NOX3: variants seen among roughly 807,000 people sequenced by gnomAD.
NOX3 encodes the protein NADPH oxidase catalytic subunit-like 3.
A neutral mutation model predicts 76.7 loss-of-function variants in NOX3; 74 were observed. The observed-to-expected ratio is 0.96, with a 90% CI of 0.80 to 1.17. NOX3 has a LOEUF of 1.17. NOX3 is among the 50% of genes most tolerant of loss of function. The pLI, the probability that NOX3 is intolerant of heterozygous loss-of-function variation, is 0.00. For synonymous variants in NOX3, 263 were observed against 261.1 expected (o/e 1.01, Z -0.07); for missense variants, 695 against 703.3 (o/e 0.99, Z 0.13).
intron 5 of NOX3, among the ~76,000 whole-genome samples, chr6:155,442,271 AT>A (rs767658479): frequency 2.6e-5 from 4 of 152,188 alleles, no homozygotes; most frequent in African/African-American, 4.8e-5. Flanking sequence ...CTCAAAAAAA[AT>A]AAATAAATAA....
In NOX3 at chr6:155,435,890, A is replaced by G. The variant is rs542580313; in HGVS notation, c.798+528T>C. Among the ~76,000 whole-genome samples the G allele has an allele frequency of 2.6e-5, 4 of 152,358 alleles. No homozygotes were observed. In the South Asian group the frequency reaches 6.2e-4, roughly 24 times the overall value. ...AAGTATCTTCTTGGCTAACATCATC[A>G]TTATTTCAGTTACAGGAGCTTAATT... is the stretch of plus-strand genomic sequence containing the variant. On this transcript the variant is annotated intron_variant, in intron 7 of 13. Transcript: ENST00000159060.
At chr6:155,446,389 A>G (rs1183474471) in intron 4 of NOX3, among the ~76,000 whole-genome samples, 4 of 152,166 alleles carry the variant, frequency 2.6e-5, no homozygotes, top group African/African-American at 9.7e-5. Context: ...AAAAGCAGGT[A>G]GTACGTCTCA....
At chr6:155,437,705 G>A (rs535561631) in intron 6 of NOX3, among the ~76,000 whole-genome samples, 7 of 152,314 alleles carry the variant, frequency 4.6e-5, no homozygotes, top group Admixed American at 1.3e-4. Flanking sequence ...CAGGCTGTAG[G>A]CAGCATTCCC....
Position 155,455,742 on chromosome 6 carries a change from A to G in NOX3, c.48+11T>C, listed in dbSNP as rs1371993844. 8.1e-6 allele frequency: 13 copies of G among 1,605,566 alleles called. No homozygotes were observed. Among genetic ancestry groups the G allele is most frequent in the Admixed American group, 5.0e-5 (3 of 59,972 alleles). ...ATATATTTAAAGTTGAATAACAAAA[A>G]TGATACTTACTACTAATATGGTGGA... On this transcript the variant is annotated intron_variant, in intron 1 of 13. Coordinates refer to ENST00000159060, the MANE Select transcript of NOX3 (RefSeq NM_015718.3).
intron 6 of NOX3, among the ~76,000 whole-genome samples, chr6:155,438,171 C>CA (rs1376692735): frequency 6.6e-6 from 1 of 152,118 alleles, no homozygotes; most frequent in Non-Finnish European, 1.5e-5. Flanking sequence ...TAGATAGCCT[C>CA]ATAAATGTGC....
chr6:155,421,775 A>G (rs958857663), intron 10 of NOX3, among the ~76,000 whole-genome samples: 6 of 152,184 alleles, frequency 3.9e-5, no homozygotes, highest in African/African-American at 1.4e-4. Context: ...GGTTACAGGC[A>G]TGAGCTACTG....
chr6:155,410,318 TGC>T (rs999615756), intron 11 of NOX3, among the ~76,000 whole-genome samples: 11 of 151,516 alleles, frequency 7.3e-5, no homozygotes, highest in African/African-American at 2.4e-4. Context: ...TGTGTGTGTG[TGC>T]GCACGCATGT....
chr6:155,416,291 A>G (rs17086271), intron 10 of NOX3, among the ~76,000 whole-genome samples: 6,250 of 152,278 alleles, frequency 0.041, 330 homozygotes, highest in African/African-American at 0.12. Context: ...AATCAGGATC[A>G]TTTTCCAAAA....
intron 11 of NOX3, among the ~76,000 whole-genome samples, chr6:155,409,254 G>A (rs1179927713): frequency 6.6e-6 from 1 of 152,182 alleles, no homozygotes; most frequent in Non-Finnish European, 1.5e-5. Flanking sequence ...CACGCCAGGT[G>A]TGGGGAGAGA....
At chr6:155,402,217 G>A (rs1038007256) in intron 12 of NOX3, among the ~76,000 whole-genome samples, 12 of 152,106 alleles carry the variant, frequency 7.9e-5, no homozygotes, top group Non-Finnish European at 1.6e-4. Context: ...GACATAGATG[G>A]CAATGAATGT....
chr6:155,427,712 C>G (rs1776775290), intron 9 of NOX3, among the ~76,000 whole-genome samples: 1 of 152,136 alleles, frequency 6.6e-6, no homozygotes, highest in African/African-American at 2.4e-5. Context: ...AAATGTTTTT[C>G]TCATTTTTTT....
intron 4 of NOX3, among the ~76,000 whole-genome samples, chr6:155,453,063 G>A (rs538573491): frequency 9.9e-5 from 15 of 152,130 alleles, no homozygotes; most frequent in Admixed American, 5.2e-4. Context: ...ATGAGATTTT[G>A]AACAGAGGTC....
chr6:155,421,550 G>T (rs1316877799), intron 10 of NOX3, among the ~76,000 whole-genome samples: 3 of 152,174 alleles, frequency 2.0e-5, no homozygotes, highest in Non-Finnish European at 4.4e-5. Context: ...AAACAAAACT[G>T]AATGAGGATC....
intron 7 of NOX3, among the ~76,000 whole-genome samples, 190 bp from the exon 8 acceptor site, chr6:155,431,125 A>G (rs1776827075): frequency 6.6e-6 from 1 of 152,230 alleles, no homozygotes; most frequent in South Asian, 2.1e-4. Context: ...ATTGAAGTCT[A>G]CAAGCTTATT....
chr6:155,409,582 C>A (rs1776514663), intron 11 of NOX3, among the ~76,000 whole-genome samples: 1 of 152,188 alleles, frequency 6.6e-6, no homozygotes, highest in South Asian at 2.1e-4. Flanking sequence ...ATACCTCTTC[C>A]ATCTGTCCCT....
intron 5 of NOX3, 46 bp downstream of exon 5, chr6:155,443,227 G>C (rs1777017126): frequency 3.8e-6 from 6 of 1,582,810 alleles, no homozygotes; most frequent in Non-Finnish European, 5.2e-6. Flanking sequence ...GACTGGAAAA[G>C]GACGGATTTT....
intron 6 of NOX3, among the ~76,000 whole-genome samples, chr6:155,438,950 C>T (rs2235669): frequency 0.093 from 14,116 of 152,208 alleles, 1,322 homozygotes; most frequent in East Asian, 0.51. Flanking sequence ...AGGTTTAATT[C>T]CTAAAATGGA....
At chr6:155,443,530 T>C (rs2114705360) in intron 4 of NOX3, 112 bp from the exon 5 acceptor site, 1 of 1,306,608 alleles carries the variant, frequency 7.7e-7, no homozygotes, top group East Asian at 2.6e-5. Flanking sequence ...TTTTGTAATC[T>C]CCAAGGAAAA....
At chr6:155,442,917 C>T (rs1295349733) in intron 5 of NOX3, among the ~76,000 whole-genome samples, 1 of 152,200 alleles carries the variant, frequency 6.6e-6, no homozygotes, top group Non-Finnish European at 1.5e-5. Flanking sequence ...TTAGCTGGCA[C>T]TTCACCTTCT....
Sources: gnomAD v4.1 joint callset for allele counts (sites outside exome capture counted in the v4.1 genomes callset) on GRCh38, gnomAD v4.1.1 for gene constraint, MANE v1.5 for transcripts, NCBI Gene and HGNC (gene_info 2026-07-23, HGNC 2026-07-21) for gene names.